RIOX2: variants seen among roughly 807,000 people sequenced by gnomAD.
RIOX2 encodes the protein 60S ribosomal protein L27a histidine hydroxylase.
RIOX2 carries 43 observed loss-of-function variants against 51.2 expected under a neutral mutation model. The observed-to-expected ratio is 0.84, with a 90% CI of 0.66 to 1.08. The LOEUF is 1.08. RIOX2 is among the 50% of genes least tolerant of loss of function. The probability of loss-of-function intolerance (pLI) is 0.00; values close to 1 mark genes in which losing one functional copy is unlikely to be tolerated. For synonymous variants in RIOX2, 226 were observed against 218.5 expected (o/e 1.03, Z -0.30); for missense variants, 566 against 561.7 (o/e 1.01, Z -0.08).
intron 7 of RIOX2, among the ~76,000 whole-genome samples, chr3:97,948,983 A>G (rs1705120234): frequency 6.6e-6 from 1 of 152,194 alleles, no homozygotes; most frequent in African/African-American, 2.4e-5. Flanking sequence ...TAAATCTGTC[A>G]TAAATTAGGC....
intron 2 of RIOX2, among the ~76,000 whole-genome samples, chr3:97,963,284 C>A (rs1018561055): frequency 3.3e-5 from 5 of 152,100 alleles, no homozygotes; most frequent in Admixed American, 1.3e-4. Context: ...CTACCATGCC[C>A]GGCTAATTTT....
chr3:97,958,559 G>A (rs1246225228), intron 4 of RIOX2, among the ~76,000 whole-genome samples: 1 of 152,108 alleles, frequency 6.6e-6, no homozygotes. Context: ...ACTATGCAGG[G>A]GGCACAGAGA....
chr3:97,953,083 A>C (rs1705307883), intron 5 of RIOX2, among the ~76,000 whole-genome samples: 1 of 151,980 alleles, frequency 6.6e-6, no homozygotes, highest in Non-Finnish European at 1.5e-5. Flanking sequence ...TGGACCTAGA[A>C]TGTCCTCTCC....
intron 2 of RIOX2, among the ~76,000 whole-genome samples, chr3:97,965,609 T>C (rs1000843127): frequency 2.0e-5 from 3 of 151,860 alleles, no homozygotes; most frequent in African/African-American, 4.8e-5. Context: ...AGCCAGAGCC[T>C]AGTCAACAAG....
Position 97,950,788 on chromosome 3 carries a change from G to C in RIOX2, c.886C>G (p.Leu296Val). Residue 296 changes from leucine to valine, a missense_variant and splice_region_variant, in exon 6 of 10, where the codon CTG becomes GTG. By Grantham distance (32) the Leu-to-Val change is conservative (BLOSUM62 1). Coordinates refer to ENST00000394198, the MANE Select transcript of RIOX2 (RefSeq NM_153182.4). Reference sequence around the variant, plus strand: ...TCCTACCTGCCTTTACTCCTTACCAGGAGCAGCTGCCGGGGTATGCCGGTC... The same window carrying C: ...TCCTACCTGCCTTTACTCCTTACCACGAGCAGCTGCCGGGGTATGCCGGTC... ...LRTGIPRQLL[L>V]QVESTTVATR... 1 of 1,613,302 alleles carries C rather than the reference G, an allele frequency of 6.2e-7. No individual in the cohort carries two copies. Among genetic ancestry groups the C allele is most frequent in the Non-Finnish European group, 8.5e-7 (1 of 1,179,404 alleles).
chr3:97,947,678 G>A (rs2040397261), intron 7 of RIOX2, among the ~76,000 whole-genome samples: 1 of 152,166 alleles, frequency 6.6e-6, no homozygotes, highest in Non-Finnish European at 1.5e-5. Context: ...GATAAATAAT[G>A]TAAGTTTATA....
chr3:97,948,312 A>G (rs1431761257), intron 7 of RIOX2, among the ~76,000 whole-genome samples: 3 of 152,204 alleles, frequency 2.0e-5, no homozygotes, highest in Admixed American at 6.5e-5. Flanking sequence ...GTCATAATTA[A>G]GAGTTTTATT....
intron 4 of RIOX2, among the ~76,000 whole-genome samples, chr3:97,957,495 TAA>T (rs35134649): frequency 1.5e-5 from 2 of 131,166 alleles, no homozygotes. Context: ...GACTCTGTCT[TAA>T]AAAAAAAAAA....
At chr3:97,946,219 A>G (rs2040352769) in intron 8 of RIOX2, among the ~76,000 whole-genome samples, 1 of 152,116 alleles carries the variant, frequency 6.6e-6, no homozygotes, top group Non-Finnish European at 1.5e-5. Flanking sequence ...CAACTTATCA[A>G]TGAAATCCTC....
chr3:97,942,172 G>GAC lies in RIOX2; in HGVS notation c.*3010_*3011dup, dbSNP rs975957491. Reference sequence around the variant, plus strand: ...TACTATATAGTATTTTTTTAGATAAGACACACACACACTTCATGTCTATGA... The same window carrying GAC: ...TACTATATAGTATTTTTTTAGATAAGACACACACACACACTTCATGTCTATGA... On this transcript the variant is annotated 3_prime_UTR_variant, in exon 10 of 10. Transcript: ENST00000394198. 5 of 835,260 alleles carry GAC rather than the reference G, an allele frequency of 6.0e-6. No homozygotes were observed. Among genetic ancestry groups the GAC allele is most frequent in the Non-Finnish European group, 8.8e-6 (5 of 565,496 alleles). 51.7% of individuals were successfully genotyped at this position (835,260 alleles called of 1,614,324 possible).
chr3:97,967,384 G>T lies in RIOX2; in HGVS notation c.210C>A (p.Asp70Glu). Residue 70 changes from aspartate (D) to glutamate (E), a missense_variant, in exon 2 of 10, where the codon GAC becomes GAA. By Grantham distance (45) the Asp-to-Glu change is conservative. Transcript: ENST00000394198. ...ACCCATAGTATGTGGCCAGTGCAGG[G>T]TCATCTCTCTGAATGAGAAGGGGCT... ...EQKPLLIQRD[D>E]PALATYYGSL... The T allele has an allele frequency of 6.2e-7, 1 of 1,614,138 alleles. No individual in the cohort carries two copies. The highest frequency in any genetic ancestry group is 8.5e-7 in the Non-Finnish European group (1 of 1,180,022).
At position 97,944,302 on chromosome 3, in the gene RIOX2, C is replaced by T. The variant is rs2040301580; in HGVS notation, c.*882G>A. Reference sequence around the variant, plus strand: ...TAAGTAAAATCAGGTAGGAAATCACCTTTGACTTAGCTTCCAGTAGTCATT... The same window carrying T: ...TAAGTAAAATCAGGTAGGAAATCACTTTTGACTTAGCTTCCAGTAGTCATT... On this transcript the variant is annotated 3_prime_UTR_variant, in exon 10 of 10. Transcript: ENST00000394198. 1 of 152,018 alleles carries T rather than the reference C, an allele frequency of 6.6e-6. No individual in the cohort carries two copies. The highest frequency in any genetic ancestry group is 1.5e-5 in the Non-Finnish European group (1 of 67,890). 9.4% of individuals were successfully genotyped at this position (152,018 alleles called of 1,614,324 possible).
chr3:97,961,401 A>T (rs149511371), intron 3 of RIOX2, among the ~76,000 whole-genome samples, 188 bp downstream of exon 3: 200 of 152,340 alleles, frequency 1.3e-3, no homozygotes, highest in African/African-American at 4.6e-3. Context: ...AGAGCAGGAA[A>T]CCAGTTTAGT....
At chr3:97,965,218 A>AAAG (rs1257226390) in intron 2 of RIOX2, among the ~76,000 whole-genome samples, 1 of 150,940 alleles carries the variant, frequency 6.6e-6, no homozygotes, top group African/African-American at 2.4e-5. Flanking sequence ...ATTAAAAAAA[A>AAAG]AAAAAAAAAA....
rs1261679894 is a variant in RIOX2, at chr3:97,943,957, C to A, written c.*1227G>T. On this transcript the variant is annotated 3_prime_UTR_variant, in exon 10 of 10. Coordinates refer to ENST00000394198, the MANE Select transcript of RIOX2 (RefSeq NM_153182.4). ...TTTCTGTAGCTATTGTTTCCTCAGT[C>A]CTTCAAACTAAAAAAGTACAAATAA... 6.6e-6 allele frequency: 1 copy of A among 151,954 alleles called. No homozygotes were observed. Among genetic ancestry groups the A allele is most frequent in the African/African-American group, 2.4e-5 (1 of 41,390 alleles). The allele number at this position is 151,954 out of a possible 1,614,324, so 9.4% of individuals were successfully genotyped here.
chr3:97,971,461 C>G (rs1185942678), intron 1 of RIOX2: 1 of 152,206 alleles, frequency 6.6e-6, no homozygotes, highest in African/African-American at 2.4e-5. Context: ...CCAGACTGAT[C>G]TAAAACATTT....
intron 2 of RIOX2, among the ~76,000 whole-genome samples, chr3:97,964,806 A>C (rs1413923172): frequency 6.8e-6 from 1 of 147,786 alleles, no homozygotes; most frequent in East Asian, 2.0e-4. Flanking sequence ...AATATATGAA[A>C]TTACTTGGTA....
intron 8 of RIOX2, among the ~76,000 whole-genome samples, chr3:97,947,102 G>A (rs1008223079): frequency 6.6e-6 from 1 of 152,056 alleles, no homozygotes; most frequent in Non-Finnish European, 1.5e-5. Context: ...AGTAAGGCCC[G>A]AAGTAGGATG....
At position 97,967,525 on chromosome 3, in the gene RIOX2, C is replaced by T; in HGVS notation, c.69G>A (p.Lys23=). Residue 23 remains lysine, a synonymous_variant, in exon 2 of 10, where the codon AAG becomes AAA. Coordinates refer to ENST00000394198, the MANE Select transcript of RIOX2 (RefSeq NM_153182.4). ...CTGAAGGCCCCCCAGCTGCTTCTAA[C>T]TTCATCTGCTTACAGGGAGCCGGCC... ...EEGPAPCKQM[K]LEAAGGPSAL... is the part of the protein sequence containing the mutation. 6.2e-7 allele frequency: 1 copy of T among 1,612,114 alleles called. No individual in the cohort carries two copies. The highest frequency in any genetic ancestry group is 8.5e-7 in the Non-Finnish European group (1 of 1,178,128).
Sources: gnomAD v4.1 joint callset for allele counts (sites outside exome capture counted in the v4.1 genomes callset) on GRCh38, gnomAD v4.1.1 for gene constraint, MANE v1.5 for transcripts, NCBI Gene and HGNC (gene_info 2026-07-23, HGNC 2026-07-21) for gene names.